Variants in ADAMTS9 observed in about 807,000 individuals in gnomAD.
The protein encoded by ADAMTS9 is A disintegrin and metalloproteinase with thrombospondin motifs 9.
In ADAMTS9, 107 loss-of-function variants were observed where a neutral mutation model predicts 257.1. That is an observed-to-expected ratio of 0.42 (90% confidence interval 0.36 to 0.49). ADAMTS9 has a LOEUF of 0.49. Among genes scored for constraint, ADAMTS9 ranks in the 20% least tolerant of loss-of-function variants. ADAMTS9 has a pLI of 0.03. For missense variants in ADAMTS9, 2,353 were observed against 2,469.1 expected (o/e 0.95, Z 1.00); for synonymous variants, 982 against 880.9 (o/e 1.11, Z -2.03).
At chr3:64,667,972 C>T (rs1016620776) in intron 3 of ADAMTS9, among the ~76,000 whole-genome samples, 3 of 152,186 alleles carry the variant, frequency 2.0e-5, no homozygotes, top group African/African-American at 7.2e-5. Flanking sequence ...TACTAAGAGA[C>T]TATTTAGTTT....
rs143419502 is a variant in ADAMTS9 at position 64,663,906 on chromosome 3, A to G, written c.680-5115T>C. ...TTCTATCACATTAACCATTTTAGCA[A>G]GCAACTTTGAATTTCTCATTAAAAA... On this transcript the variant is annotated intron_variant, in intron 3 of 39. Coordinates refer to ENST00000498707, the MANE Select transcript of ADAMTS9 (RefSeq NM_182920.2). Among the ~76,000 whole-genome samples, 870 of 152,236 alleles carry G rather than the reference A, an allele frequency of 5.7e-3. 16 individuals carry two copies. The highest frequency in any genetic ancestry group is 0.019 in the African/African-American group (784 of 41,574).
At chr3:64,593,137 T>A (rs2084293637) in intron 28 of ADAMTS9, among the ~76,000 whole-genome samples, 1 of 152,296 alleles carries the variant, frequency 6.6e-6, no homozygotes, top group South Asian at 2.1e-4. Context: ...ACAGTCCAGC[T>A]AAATAGTACC....
At chr3:64,616,498 A>C (rs540687859) in intron 19 of ADAMTS9, among the ~76,000 whole-genome samples, 2 of 151,092 alleles carry the variant, frequency 1.3e-5, no homozygotes, top group Non-Finnish European at 3.0e-5. Context: ...GTACATTATT[A>C]TCTGTAAATA....
At position 64,596,808 on chromosome 3, in the gene ADAMTS9, T is replaced by C. The variant is rs201751434; in HGVS notation, c.4179+22A>G. 587 of 1,613,448 alleles carry C rather than the reference T, an allele frequency of 3.6e-4. 3 individuals carry two copies. Among genetic ancestry groups the C allele is most frequent in the Middle Eastern group, 1.6e-4 (1 of 6,068 alleles). Reference sequence around the variant, plus strand: ...GGTTAACACAATTCCTCTGTATTTATAGACGGATAGTTCACTCTCACCTCT... The same window carrying C: ...GGTTAACACAATTCCTCTGTATTTACAGACGGATAGTTCACTCTCACCTCT... On this transcript the variant is annotated intron_variant, in intron 27 of 39. Coordinates refer to ENST00000498707, the MANE Select transcript of ADAMTS9 (RefSeq NM_182920.2).
At chr3:64,539,125 G>A (rs1167585934) in intron 37 of ADAMTS9, 78 bp downstream of exon 37, 1 of 1,415,236 alleles carries the variant, frequency 7.1e-7, no homozygotes, top group Non-Finnish European at 1.0e-6. Flanking sequence ...ACATTCCCAG[G>A]AACAGATGCA....
intron 14 of ADAMTS9, among the ~76,000 whole-genome samples, chr3:64,632,689 A>G (rs1244394808): frequency 6.6e-6 from 1 of 152,200 alleles, no homozygotes; most frequent in Non-Finnish European, 1.5e-5. Context: ...ATCTTTGAGG[A>G]AAAACTCAAT....
At chr3:64,601,837 A>T in intron 26 of ADAMTS9, 107 bp downstream of exon 26, 1 of 1,338,374 alleles carries the variant, frequency 7.5e-7, no homozygotes, top group Non-Finnish European at 1.0e-6. Context: ...GCACAATGTC[A>T]ATCCCTTGTA....
chr3:64,582,262 G>C (rs938549988), intron 28 of ADAMTS9, among the ~76,000 whole-genome samples: 2 of 152,130 alleles, frequency 1.3e-5, no homozygotes, highest in East Asian at 3.9e-4. Context: ...GTATAGGAAA[G>C]CCAAGTTAAT....
chr3:64,670,940 G>A (rs146595687), intron 3 of ADAMTS9, among the ~76,000 whole-genome samples: 51 of 152,318 alleles, frequency 3.3e-4, no homozygotes, highest in African/African-American at 1.2e-3. Flanking sequence ...CCCTGCAGGT[G>A]GAGCTACAAA....
At chr3:64,611,449 T>G (rs563228340) in intron 22 of ADAMTS9, among the ~76,000 whole-genome samples, 1 of 152,074 alleles carries the variant, frequency 6.6e-6, no homozygotes, top group South Asian at 2.1e-4. Context: ...ATAAACACAA[T>G]GCAGACTGGT....
At position 64,603,932 on chromosome 3, in the gene ADAMTS9, T is replaced by C; in HGVS notation, c.3737A>G (p.Asp1246Gly). The change falls in exon 25 of 40, where the codon GAC becomes GGC. Residue 1246 changes from aspartate to glycine, a missense_variant. By Grantham distance (94) the Asp-to-Gly change is moderately conservative (BLOSUM62 -1). Transcript: ENST00000498707. ...VTPCGQWKAL[D>G]WSSCSVTCGQ... Reference sequence around the variant, plus strand: ...AATCCACTGGCTTACAGAGCTCCAGTCCAAGGCCTTCCATTGCCCACAGGG... The same window carrying C: ...AATCCACTGGCTTACAGAGCTCCAGCCCAAGGCCTTCCATTGCCCACAGGG... 6.2e-7 allele frequency: 1 copy of C among 1,613,892 alleles called. No individual in the cohort carries two copies. The highest frequency in any genetic ancestry group is 1.1e-5 in the South Asian group (1 of 91,048).
In ADAMTS9 at chr3:64,641,974, CA is replaced by C. The variant is rs1362243406; in HGVS notation, c.1729del (p.Cys577ValfsTer10). ...GGGGACATCCATTTCTTTGGGAACA[CA>C]AAATCCATACTTGCAGTGCTGTATT... ...EPGKHCKYGF[C>X]VPKEMDVPVT... On this transcript the variant is annotated frameshift_variant, in exon 12 of 40. Transcript: ENST00000498707. LOFTEE classifies it high-confidence loss of function. 6.2e-7 allele frequency: 1 copy of C among 1,614,092 alleles called. No homozygotes were observed. The highest frequency in any genetic ancestry group is 1.7e-5 in the Admixed American group (1 of 60,020).
rs1559741537 is a variant in ADAMTS9 at position 64,516,767 on chromosome 3, T to A, written c.*360A>T. 2 of 152,610 alleles carry A rather than the reference T, an allele frequency of 1.3e-5. No homozygotes were observed. The highest frequency in any genetic ancestry group is 2.9e-5 in the Non-Finnish European group (2 of 68,032). The allele number at this position is 152,610 out of a possible 1,614,324, so 9.5% of individuals were successfully genotyped here. A position where few individuals can be genotyped will look rare whatever the true frequency, so the allele number is the denominator to read the frequency against. ...AAAGTAACAATAAAACATTTACAGA[T>A]GAAAAGTAAACAATAGTGTACCGTG... On this transcript the variant is annotated 3_prime_UTR_variant, in exon 40 of 40. Coordinates refer to ENST00000498707, the MANE Select transcript of ADAMTS9 (RefSeq NM_182920.2).
intron 28 of ADAMTS9, among the ~76,000 whole-genome samples, chr3:64,575,407 T>C (rs2083814752): frequency 1.3e-5 from 2 of 152,132 alleles, no homozygotes; most frequent in African/African-American, 4.8e-5. Flanking sequence ...CCCGTCGCAA[T>C]GGGGGCCTGG....
At chr3:64,575,662 C>G (rs2083822970) in intron 28 of ADAMTS9, among the ~76,000 whole-genome samples, 1 of 152,090 alleles carries the variant, frequency 6.6e-6, no homozygotes, top group Non-Finnish European at 1.5e-5. Flanking sequence ...GGAATCCTAC[C>G]CTACCTGTCA....
chr3:64,586,015 T>G (rs1045961091), intron 28 of ADAMTS9, among the ~76,000 whole-genome samples: 6 of 152,188 alleles, frequency 3.9e-5, no homozygotes, highest in Non-Finnish European at 5.9e-5. Flanking sequence ...TTTTACCATT[T>G]CATCAACTAA....
chr3:64,676,207 C>T (rs1156994676), intron 3 of ADAMTS9, among the ~76,000 whole-genome samples: 2 of 152,090 alleles, frequency 1.3e-5, no homozygotes, highest in African/African-American at 4.8e-5. Context: ...AAATAAAGGA[C>T]CGATAATCTC....
chr3:64,538,940 A>G (rs1193472717), intron 37 of ADAMTS9, among the ~76,000 whole-genome samples: 1 of 152,152 alleles, frequency 6.6e-6, no homozygotes, highest in Non-Finnish European at 1.5e-5. Flanking sequence ...GCTAACCGAC[A>G]TCTAATTTGT....
intron 22 of ADAMTS9, among the ~76,000 whole-genome samples, chr3:64,608,026 C>A (rs1311599611): frequency 6.6e-6 from 1 of 151,874 alleles, no homozygotes; most frequent in Non-Finnish European, 1.5e-5. Flanking sequence ...ATATTCTTAA[C>A]CCATAGGTCA....
Sources: allele counts gnomAD v4.1 joint callset (sites outside exome capture counted in the v4.1 genomes callset), GRCh38; gene constraint gnomAD v4.1.1; transcripts MANE v1.5; gene names NCBI Gene and HGNC (gene_info 2026-07-23, HGNC 2026-07-21).